Variants in AOAH observed in about 807,000 individuals in gnomAD.
The protein encoded by AOAH is acyloxyacyl hydrolase.
Under a neutral mutation model 92.2 loss-of-function variants are expected in AOAH, and 64 were observed. The observed-to-expected ratio is 0.69, with a 90% confidence interval of 0.57 to 0.86. The LOEUF (loss-of-function observed/expected upper bound fraction) is 0.86. Among genes scored for constraint, AOAH ranks in the 40% least tolerant of loss-of-function variants. The probability of loss-of-function intolerance (pLI) is 0.00; values close to 1 mark genes in which losing one functional copy is unlikely to be tolerated. For synonymous variants in AOAH, 263 were observed against 254.5 expected, an observed-to-expected ratio of 1.03 and a Z score of -0.32; for missense variants, 656 against 694.6, an observed-to-expected ratio of 0.94 and a Z score of 0.62.
chr7:36,576,421 C>T (rs1317495039), intron 13 of AOAH, among the ~76,000 whole-genome samples, 153 bp downstream of exon 13: 1 of 152,166 alleles, frequency 6.6e-6, no homozygotes, highest in Non-Finnish European at 1.5e-5. Flanking sequence ...AAGCACAGGG[C>T]CCTTCTTTCA....
intron 11 of AOAH, among the ~76,000 whole-genome samples, chr7:36,604,461 G>A (rs1354459880): frequency 6.6e-6 from 1 of 152,148 alleles, no homozygotes; most frequent in Non-Finnish European, 1.5e-5. Flanking sequence ...ATAGAACAGT[G>A]ATAGTTGGGC....
chr7:36,532,496 G>A (rs1339972265), intron 16 of AOAH, 152 bp from the exon 17 acceptor site: 6 of 748,088 alleles, frequency 8.0e-6, no homozygotes, highest in Admixed American at 2.1e-5. Flanking sequence ...AAGAATGCCT[G>A]TGCTTTCCTC....
chr7:36,532,161 T>C lies in AOAH; in HGVS notation c.1411A>G (p.Thr471Ala). Reference protein sequence around the residue: ...GWMSSNKTLRTLTSERAEQLS... With the variant: ...GWMSSNKTLRALTSERAEQLS... Reference sequence around the variant, plus strand: ...GACAGTCATACCTCTGAAGTGAGAGTCCGCAACGTCTTGTTGGAAGACATC... The same window carrying C: ...GACAGTCATACCTCTGAAGTGAGAGCCCGCAACGTCTTGTTGGAAGACATC... Residue 471 changes from threonine to alanine, a missense_variant, in exon 18 of 21, where the codon ACT (threonine) becomes GCT (alanine). Thr to Ala is a moderately conservative substitution (Grantham distance 58, BLOSUM62 0). Coordinates refer to ENST00000617537, the MANE Select transcript of AOAH (RefSeq NM_001637.4). 6.2e-7 allele frequency: 1 copy of C among 1,614,090 alleles called. No individual in the cohort carries two copies. Among genetic ancestry groups the C allele is most frequent in the East Asian group, 2.2e-5 (1 of 44,880 alleles).
chr7:36,646,583 C>A (rs780815369), intron 4 of AOAH, among the ~76,000 whole-genome samples: 1 of 152,202 alleles, frequency 6.6e-6, no homozygotes, highest in Admixed American at 6.5e-5. Flanking sequence ...GCTGCTGTAA[C>A]TAATGACCGT....
At chr7:36,715,951 C>CA (rs1316460845) in intron 1 of AOAH, among the ~76,000 whole-genome samples, 1 of 152,118 alleles carries the variant, frequency 6.6e-6, no homozygotes, top group East Asian at 1.9e-4. Flanking sequence ...AAAGCAATGG[C>CA]AACAAAAGCC....
chr7:36,629,125 A>G (rs1792882241), intron 6 of AOAH, among the ~76,000 whole-genome samples: 1 of 152,236 alleles, frequency 6.6e-6, no homozygotes, highest in South Asian at 2.1e-4. Context: ...ATGAGACTGC[A>G]TTTATATGTA....
At chr7:36,548,155 A>T (rs909434868) in intron 15 of AOAH, among the ~76,000 whole-genome samples, 1 of 152,180 alleles carries the variant, frequency 6.6e-6, no homozygotes, top group Non-Finnish European at 1.5e-5. Context: ...TTTCAGCGTG[A>T]CAGATTGGTA....
intron 1 of AOAH, among the ~76,000 whole-genome samples, chr7:36,722,552 A>G (rs1352949067): frequency 6.6e-6 from 1 of 152,170 alleles, no homozygotes; most frequent in East Asian, 1.9e-4. Flanking sequence ...CTGGGGGAGG[A>G]TGATCTCCCA....
Position 36,719,060 on chromosome 7 carries a change from C to T in AOAH, c.127+4962G>A, listed in dbSNP as rs543293995. ...GAGGAATAAGCCAAGTTTTAACTAA[C>T]TATGTAACCTTGAACAAGTTACTTA... is the stretch of plus-strand genomic sequence containing the variant. On this transcript the variant is annotated intron_variant, in intron 1 of 20. Coordinates refer to ENST00000617537, the MANE Select transcript of AOAH (RefSeq NM_001637.4). Among the ~76,000 whole-genome samples, 13 of 152,260 alleles carry T rather than the reference C, an allele frequency of 8.5e-5. No homozygotes were observed. The South Asian group carries it at 2.7e-3, about 32-fold the overall frequency.
intron 1 of AOAH, among the ~76,000 whole-genome samples, chr7:36,707,927 G>GAGTAGC (rs1798530050): frequency 6.6e-6 from 1 of 151,772 alleles, no homozygotes. Context: ...TCAGCCTCTG[G>GAGTAGC]AGTAGCTGGT....
intron 13 of AOAH, among the ~76,000 whole-genome samples, chr7:36,571,117 T>G (rs1355226529): frequency 6.6e-6 from 1 of 152,080 alleles, no homozygotes; most frequent in African/African-American, 2.4e-5. Context: ...CAGGGAGGGA[T>G]GAATAAAGTC....
At chr7:36,606,772 C>A (rs1791036903) in intron 11 of AOAH, among the ~76,000 whole-genome samples, 1 of 151,944 alleles carries the variant, frequency 6.6e-6, no homozygotes, top group South Asian at 2.1e-4. Context: ...AGAAAAAAAA[C>A]AAAACCAGCA....
Position 36,632,121 on chromosome 7 carries a change from A to C in AOAH, c.451-15T>G. The C allele has an allele frequency of 1.3e-6, 2 of 1,599,630 alleles. No individual in the cohort carries two copies. Among genetic ancestry groups the C allele is most frequent in the Non-Finnish European group, 1.7e-6 (2 of 1,173,882 alleles). Reference sequence around the variant, plus strand: ...CTAGAATATTTCTGGGGAGAAAAAAAAAAACAAAAAGAGAGTTGTTTAGTT... The same window carrying C: ...CTAGAATATTTCTGGGGAGAAAAAACAAAACAAAAAGAGAGTTGTTTAGTT... On this transcript the variant is annotated splice_polypyrimidine_tract_variant and intron_variant, in intron 5 of 20. Coordinates refer to ENST00000617537, the MANE Select transcript of AOAH (RefSeq NM_001637.4).
chr7:36,654,118 C>CGT (rs767355099), intron 4 of AOAH, among the ~76,000 whole-genome samples: 4 of 151,638 alleles, frequency 2.6e-5, no homozygotes, highest in Non-Finnish European at 5.9e-5. Flanking sequence ...CATCCCTGTG[C>CGT]GTGTGTGCGT....
At chr7:36,574,995 A>T (rs1788383390) in intron 13 of AOAH, among the ~76,000 whole-genome samples, 1 of 147,846 alleles carries the variant, frequency 6.8e-6, no homozygotes, top group Non-Finnish European at 1.5e-5. Flanking sequence ...GGGCTGCATG[A>T]TATTCCTCAC....
At chr7:36,720,927 A>G (rs926286752) in intron 1 of AOAH, among the ~76,000 whole-genome samples, 21 of 152,268 alleles carry the variant, frequency 1.4e-4, no homozygotes, top group Admixed American at 3.9e-4. Context: ...GTTGGCAACA[A>G]ATGTAGAGTT....
intron 12 of AOAH, among the ~76,000 whole-genome samples, chr7:36,591,669 A>G (rs1157818826): frequency 6.6e-6 from 1 of 152,210 alleles, no homozygotes; most frequent in Admixed American, 6.5e-5. Context: ...GGGATTTTAC[A>G]TTGATAAGGG....
At chr7:36,579,849 A>C (rs1052271511) in intron 12 of AOAH, among the ~76,000 whole-genome samples, 2 of 152,174 alleles carry the variant, frequency 1.3e-5, no homozygotes, top group Non-Finnish European at 2.9e-5. Context: ...CCTCACAGAC[A>C]CACCCAGGAT....
chr7:36,553,277 T>C (rs1786423234), intron 13 of AOAH, among the ~76,000 whole-genome samples: 2 of 152,184 alleles, frequency 1.3e-5, no homozygotes, highest in Admixed American at 6.5e-5. Context: ...ATTTCATCCA[T>C]GTTCCTACAA....
Sources: gnomAD v4.1 joint callset for allele counts (sites outside exome capture counted in the v4.1 genomes callset) on GRCh38, gnomAD v4.1.1 for gene constraint, MANE v1.5 for transcripts, NCBI Gene and HGNC (gene_info 2026-07-23, HGNC 2026-07-21) for gene names.